IL34: variants seen among roughly 807,000 people sequenced by gnomAD.
The protein encoded by IL34 is interleukin 34.
Under a neutral mutation model 25.3 loss-of-function variants are expected in IL34, and 17 were observed. The ratio of observed to expected loss-of-function variants is 0.67; its 90% CI spans 0.46 to 1.01. The LOEUF (loss-of-function observed/expected upper bound fraction) is 1.01. IL34 is among the 50% of genes least tolerant of loss of function. IL34 has a pLI of 0.00. For synonymous variants in IL34, 174 were observed against 140.9 expected, an observed-to-expected ratio of 1.23 and a Z score of -1.66; for missense variants, 368 against 312.9, an observed-to-expected ratio of 1.18 and a Z score of -1.33.
At chr16:70,585,715 AG>A (rs1198453738) in intron 1 of IL34, among the ~76,000 whole-genome samples, 1 of 146,232 alleles carries the variant, frequency 6.8e-6, no homozygotes, top group Admixed American at 7.0e-5. Context: ...TTTTTTTTTT[AG>A]AGACAGGGTC....
intron 1 of IL34, among the ~76,000 whole-genome samples, chr16:70,604,803 G>A (rs1335550036): frequency 6.6e-6 from 1 of 152,222 alleles, no homozygotes; most frequent in African/African-American, 2.4e-5. Flanking sequence ...GAAGAGCGGG[G>A]ACCGAGGGCC....
intron 1 of IL34, among the ~76,000 whole-genome samples, chr16:70,620,409 C>T (rs892629244): frequency 5.3e-5 from 8 of 151,666 alleles, no homozygotes; most frequent in East Asian, 1.9e-4. Flanking sequence ...AGTCACGCAA[C>T]GAAACTGTAA....
chr16:70,621,063 A>G (rs1186541625), intron 1 of IL34, among the ~76,000 whole-genome samples: 1 of 152,108 alleles, frequency 6.6e-6, no homozygotes, highest in African/African-American at 2.4e-5. Context: ...GGGTGTGGAA[A>G]TAAGCAATTA....
intron 1 of IL34, among the ~76,000 whole-genome samples, chr16:70,627,545 T>C (rs2051423737): frequency 6.6e-6 from 1 of 150,742 alleles, no homozygotes; most frequent in African/African-American, 2.4e-5. Context: ...ACAGTGGTGC[T>C]ATCTAGGCTC....
upstream of IL34, among the ~76,000 whole-genome samples, chr16:70,645,586 T>C (rs1289802085): frequency 6.6e-6 from 1 of 152,084 alleles, no homozygotes. Context: ...CCTGTGTGGT[T>C]GTCGAATTTT....
chr16:70,596,803 C>A (rs1311265712), intron 1 of IL34, among the ~76,000 whole-genome samples: 1 of 152,168 alleles, frequency 6.6e-6, no homozygotes, highest in Non-Finnish European at 1.5e-5. Flanking sequence ...GTTGCCCATG[C>A]TGGTCTCAAA....
At chr16:70,612,683 GCA>G (rs1421097646) in intron 1 of IL34, among the ~76,000 whole-genome samples, 2 of 152,214 alleles carry the variant, frequency 1.3e-5, no homozygotes, top group Admixed American at 6.5e-5. Flanking sequence ...TTGGAAAAAC[GCA>G]CACAGTGTAA....
rs143146567 is a variant in IL34 at position 70,633,290 on chromosome 16, G to T, written c.-400-13258G>T. Among the ~76,000 whole-genome samples, 728 of 151,376 alleles carry T rather than the reference G, an allele frequency of 4.8e-3. 1 individual carries two copies. Among genetic ancestry groups the T allele is most frequent in the Middle Eastern group, 0.01 (3 of 294 alleles). The stretch of plus-strand genomic sequence containing the variant: ...TTCTTTTAAGACAGGGTCTCACTCT[G>T]TTGCTCATGCTGGAGTGCAGTGACA... On this transcript the variant is annotated intron_variant, in intron 1 of 6. Transcript: ENST00000429149.
intron 1 of IL34, among the ~76,000 whole-genome samples, chr16:70,630,869 G>A (rs753123440): frequency 2.0e-5 from 3 of 152,070 alleles, no homozygotes; most frequent in South Asian, 2.1e-4. Context: ...CACCAAGCTC[G>A]GGTCACATTT....
chr16:70,620,915 C>G (rs571874723), intron 1 of IL34, among the ~76,000 whole-genome samples: 37 of 152,158 alleles, frequency 2.4e-4, no homozygotes, highest in African/African-American at 7.5e-4. Flanking sequence ...AATGTGGAAT[C>G]TTACGTATAG....
Position 70,660,009 on chromosome 16 carries a change from C to A in IL34, c.551C>A (p.Ser184Tyr), listed in dbSNP as rs2052356461. 1 of 1,587,682 alleles carries A rather than the reference C, an allele frequency of 6.3e-7. No homozygotes were observed. Among genetic ancestry groups the A allele is most frequent in the East Asian group, 2.2e-5 (1 of 44,730 alleles). ...LLYCSCCKQS[S>Y]VLNWQDCEVP... is the part of the protein sequence containing the mutation. ...CTATCTCTTGCAGGTAAACAAAGCT[C>A]CGTCCTAAACTGGCAGGACTGTGAG... The change falls in exon 6 of 6, where the codon TCC (serine) becomes TAC (tyrosine). Residue 184 changes from serine (S) to tyrosine (Y), a missense_variant. Coordinates refer to ENST00000288098, the MANE Select transcript of IL34 (RefSeq NM_001393494.1).
chr16:70,653,942 C>A, intron 1 of IL34, among the ~76,000 whole-genome samples: 1 of 152,042 alleles, frequency 6.6e-6, no homozygotes, highest in East Asian at 1.9e-4. Flanking sequence ...TCGTTTGTTG[C>A]AGGAAGAGAG....
rs1373191439 is a variant in IL34 at position 70,646,860 on chromosome 16, C to T, written c.-88C>T. The T allele has an allele frequency of 6.9e-6, 9 of 1,302,138 alleles. No homozygotes were observed. Among genetic ancestry groups the T allele is most frequent in the Non-Finnish European group, 7.2e-6 (7 of 978,464 alleles). The allele number at this position is 1,302,138 out of a possible 1,614,324, so 80.7% of individuals were successfully genotyped here. ...CTGACTGAGTGACCACCTCTGCTGC[C>T]CCGAGGCCATGTAGGCCGTGCTTAG... On this transcript the variant is annotated 5_prime_UTR_variant, in exon 1 of 6. Transcript: ENST00000288098.
At chr16:70,653,896 AC>A (rs1006852752) in intron 1 of IL34, among the ~76,000 whole-genome samples, 7 of 151,884 alleles carry the variant, frequency 4.6e-5, no homozygotes, top group Non-Finnish European at 1.0e-4. Flanking sequence ...AGTCACAGTG[AC>A]CCCCAGTGGC....
upstream of IL34, among the ~76,000 whole-genome samples, chr16:70,642,282 G>T (rs982102423): frequency 6.7e-6 from 1 of 148,852 alleles, no homozygotes; most frequent in African/African-American, 2.5e-5. Context: ...GAGAGTGAGC[G>T]TACTCTGATG....
At chr16:70,628,181 T>C (rs373034223) in intron 1 of IL34, among the ~76,000 whole-genome samples, 1 of 152,216 alleles carries the variant, frequency 6.6e-6, no homozygotes, top group East Asian at 1.9e-4. Context: ...CACCTTATTA[T>C]ATATTTATTG....
At chr16:70,619,994 T>C (rs1338097445) in intron 1 of IL34, among the ~76,000 whole-genome samples, 4 of 152,016 alleles carry the variant, frequency 2.6e-5, no homozygotes, top group Non-Finnish European at 4.4e-5. Context: ...TTGGAAGTTC[T>C]TGTGTGCTGG....
At chr16:70,621,560 G>A (rs1255959787) in intron 1 of IL34, among the ~76,000 whole-genome samples, 3 of 152,066 alleles carry the variant, frequency 2.0e-5, no homozygotes, top group East Asian at 1.9e-4. Flanking sequence ...AGGAGGACAG[G>A]GGATTGATCT....
chr16:70,656,992 G>A lies in IL34; in HGVS notation c.273G>A (p.Arg91=). The A allele has an allele frequency of 6.2e-7, 1 of 1,611,696 alleles. No individual in the cohort carries two copies. The highest frequency in any genetic ancestry group is 8.5e-7 in the Non-Finnish European group (1 of 1,179,570). The part of the protein sequence containing the change: ...QRAQVSEREL[R]YLWVLVSLSA... ...CCCAGGTGAGCGAGCGGGAGCTGCG[G>A]TATCTGTGGGTCTTGGTGAGCCTCA... The change falls in exon 4 of 6, where the codon CGG becomes CGA. Residue 91 remains arginine, a synonymous_variant. Transcript: ENST00000288098.
Sources: allele counts gnomAD v4.1 joint callset (sites outside exome capture counted in the v4.1 genomes callset), GRCh38; gene constraint gnomAD v4.1.1; transcripts MANE v1.5; gene names NCBI Gene and HGNC (gene_info 2026-07-23, HGNC 2026-07-21).